Variants in RNF144A observed in about 807,000 individuals in gnomAD.
RNF144A encodes the protein ring finger protein 144A, also known as E3 ubiquitin-protein ligase RNF144A.
In RNF144A, 11 loss-of-function variants were observed where a neutral mutation model predicts 38.7. The ratio of observed to expected loss-of-function variants is 0.28; its 90% CI spans 0.18 to 0.47. The LOEUF (loss-of-function observed/expected upper bound fraction) is 0.47, where lower values mean the gene tolerates loss of function less well. Ranked by LOEUF, RNF144A falls within the 20% of genes least tolerant of loss-of-function variation. The pLI is 0.99. For synonymous variants in RNF144A, 149 were observed against 143.9 expected, an observed-to-expected ratio of 1.04 and a Z score of -0.25; for missense variants, 316 against 377.2, an observed-to-expected ratio of 0.84 and a Z score of 1.34.
chr2:6,967,774 T>C (rs1667762230), intron 2 of RNF144A, among the ~76,000 whole-genome samples: 1 of 152,228 alleles, frequency 6.6e-6, no homozygotes, highest in Non-Finnish European at 1.5e-5. Flanking sequence ...CAGGCTCTGC[T>C]CTTGGGGAAG....
chr2:6,997,374 C>G (rs1669817576), intron 3 of RNF144A, among the ~76,000 whole-genome samples: 1 of 152,196 alleles, frequency 6.6e-6, no homozygotes, highest in Non-Finnish European at 1.5e-5. Flanking sequence ...GCTTCCACAC[C>G]TTATATCAAA....
At chr2:6,972,863 C>T (rs2103349746) in intron 2 of RNF144A, among the ~76,000 whole-genome samples, 1 of 152,282 alleles carries the variant, frequency 6.6e-6, no homozygotes, top group South Asian at 2.1e-4. Flanking sequence ...GGTGCATGCC[C>T]TCTAACAGTG....
intron 6 of RNF144A, among the ~76,000 whole-genome samples, chr2:7,058,022 G>A (rs2103477546): frequency 6.6e-6 from 1 of 152,248 alleles, no homozygotes; most frequent in Middle Eastern, 3.4e-3. Context: ...CATGTGCCAG[G>A]TGCTTAATGT....
chr2:7,039,486 G>T, intron 8 of RNF144A, 143 bp from the exon 9 acceptor site: 1 of 1,415,148 alleles, frequency 7.1e-7, no homozygotes, highest in Non-Finnish European at 9.6e-7. Context: ...ATGACTAGAT[G>T]GGTAGATGGA....
intron 8 of RNF144A, among the ~76,000 whole-genome samples, chr2:7,037,036 G>A (rs1672725352): frequency 6.6e-6 from 1 of 152,218 alleles, no homozygotes; most frequent in Non-Finnish European, 1.5e-5. Context: ...CAGTACGAAC[G>A]AAGCTGTGCT....
intron 2 of RNF144A, among the ~76,000 whole-genome samples, chr2:6,950,014 A>G (rs1206095874): frequency 1.3e-5 from 2 of 152,180 alleles, no homozygotes; most frequent in African/African-American, 4.8e-5. Context: ...CCCGCTTTTT[A>G]GTCAGAACAG....
At chr2:6,953,159 G>C (rs981544788) in intron 2 of RNF144A, among the ~76,000 whole-genome samples, 4 of 152,138 alleles carry the variant, frequency 2.6e-5, no homozygotes, top group African/African-American at 9.7e-5. Flanking sequence ...GGACGCAGTG[G>C]CTCACACCGG....
At chr2:6,990,116 C>T (rs115769624) in intron 2 of RNF144A, among the ~76,000 whole-genome samples, 251 of 152,178 alleles carry the variant, frequency 1.6e-3, no homozygotes, top group African/African-American at 5.8e-3. Flanking sequence ...CCATTGACCA[C>T]GGGGCTGAAA....
Position 6,917,659 on chromosome 2 carries a change from C to A in RNF144A, c.-212+37C>A, listed in dbSNP as rs971220056. ...CGCGTCCCCTTTGTGTCCGCATCGCCCGGGCCGGCCGCGGAGCGGGGAGGG... is the reference window on the plus strand; with the variant it reads ...CGCGTCCCCTTTGTGTCCGCATCGCACGGGCCGGCCGCGGAGCGGGGAGGG... On this transcript the variant is annotated intron_variant, in intron 1 of 8. Transcript: ENST00000320892. This position sits in a 1 kb window ranked among gnomAD's most constrained non-coding sequence, Gnocchi z 4.8. 1.4e-5 allele frequency: 2 copies of A among 147,696 alleles called. No homozygotes were observed. The highest frequency in any genetic ancestry group is 4.9e-5 in the African/African-American group (2 of 40,890). The allele number at this position is 147,696 out of a possible 1,614,324, so 9.1% of individuals were successfully genotyped here. A position where few individuals can be genotyped will look rare whatever the true frequency, so the allele number is the denominator to read the frequency against.
intron 1 of RNF144A, among the ~76,000 whole-genome samples, chr2:6,940,369 C>T (rs1405493915): frequency 6.6e-6 from 1 of 152,150 alleles, no homozygotes; most frequent in Non-Finnish European, 1.5e-5. Flanking sequence ...AGTTGTTACT[C>T]ATTCAACCAA....
intron 2 of RNF144A, among the ~76,000 whole-genome samples, chr2:6,977,763 A>G (rs1668400994): frequency 1.3e-5 from 2 of 152,240 alleles, no homozygotes; most frequent in South Asian, 4.1e-4. Context: ...TAGAATAGTG[A>G]ACCCAGCAAA....
intron 6 of RNF144A, among the ~76,000 whole-genome samples, chr2:7,057,277 C>A (rs1673779380): frequency 6.6e-6 from 1 of 152,120 alleles, no homozygotes; most frequent in Non-Finnish European, 1.5e-5. Flanking sequence ...AAAGTCTAGC[C>A]CAGCTCTATT....
downstream of RNF144A, among the ~76,000 whole-genome samples, chr2:7,045,080 G>A (rs1464082888): frequency 1.3e-5 from 2 of 152,228 alleles, no homozygotes; most frequent in South Asian, 2.1e-4. Context: ...GTATGAGCTC[G>A]CTCTTGTAGA....
chr2:6,945,554 AG>A (rs1168454975), intron 2 of RNF144A, among the ~76,000 whole-genome samples: 2 of 152,224 alleles, frequency 1.3e-5, no homozygotes, highest in African/African-American at 4.8e-5. Context: ...GCAAGAGAAC[AG>A]CAAGTGCCTG....
chr2:7,064,412 G>A (rs991111288), intron 6 of RNF144A, among the ~76,000 whole-genome samples: 42 of 152,144 alleles, frequency 2.8e-4, no homozygotes, highest in Non-Finnish European at 5.4e-4. Flanking sequence ...TGATAATAAG[G>A]AACCAAGAAT....
At chr2:6,998,335 T>C (rs1283378967) in intron 3 of RNF144A, among the ~76,000 whole-genome samples, 1 of 152,250 alleles carries the variant, frequency 6.6e-6, no homozygotes, top group African/African-American at 2.4e-5. Flanking sequence ...GCTTTCAGAC[T>C]GTATTTCATT....
rs562939234 is a variant in RNF144A at position 6,921,844 on chromosome 2, T to A, written c.-212+4222T>A. ...GCTAGGCAAATTAAGAGGGACAAGG[T>A]CACATTCTGGGCCTGGGAACAGCAA... On this transcript the variant is annotated intron_variant, in intron 1 of 8. Transcript: ENST00000320892. 2.0e-5 allele frequency among the ~76,000 whole-genome samples: 3 copies of A among 152,146 alleles called. No individual in the cohort carries two copies. The South Asian group carries it at 6.2e-4, about 32-fold the overall frequency.
At chr2:6,953,495 AT>A (rs1307202546) in intron 2 of RNF144A, among the ~76,000 whole-genome samples, 1 of 152,192 alleles carries the variant, frequency 6.6e-6, no homozygotes, top group East Asian at 1.9e-4. Context: ...TAATATTCTC[AT>A]TAATGTTTAG....
At chr2:6,920,489 T>G (rs1463601976) in intron 1 of RNF144A, among the ~76,000 whole-genome samples, 1 of 152,216 alleles carries the variant, frequency 6.6e-6, no homozygotes, top group Non-Finnish European at 1.5e-5. Flanking sequence ...CCGTGCTCGC[T>G]GCCCTGCACG....
Sources: allele counts gnomAD v4.1 joint callset (sites outside exome capture counted in the v4.1 genomes callset), GRCh38; gene constraint gnomAD v4.1.1; non-coding constraint Gnocchi (gnomAD v3.1); transcripts MANE v1.5; gene names NCBI Gene and HGNC (gene_info 2026-07-23, HGNC 2026-07-21).